The following EXOC4 variants were observed in gnomAD, a reference collection of about 807,000 sequenced individuals.
The protein encoded by EXOC4 is exocyst complex component 4, also known as SEC8-like 1.
EXOC4 carries 71 observed loss-of-function variants against 107.2 expected under a neutral mutation model. That is an observed-to-expected ratio of 0.66 (90% CI 0.55 to 0.81). The LOEUF is 0.81. Ranked by LOEUF, EXOC4 falls within the 30% of genes least tolerant of loss-of-function variation. EXOC4 has a pLI of 0.00. For synonymous variants in EXOC4, 456 were observed against 441.2 expected, an observed-to-expected ratio of 1.03 and a Z score of -0.42; for missense variants, 1,108 against 1,189.6, an observed-to-expected ratio of 0.93 and a Z score of 1.01.
intron 11 of EXOC4, among the ~76,000 whole-genome samples, chr7:133,865,699 C>T (rs1308122172): frequency 1.3e-5 from 2 of 152,162 alleles, no homozygotes; most frequent in East Asian, 1.9e-4. Context: ...GAAGCAGGCA[C>T]ATCTTACCAT....
intron 2 of EXOC4, among the ~76,000 whole-genome samples, chr7:133,285,019 T>G (rs1794242981): frequency 6.6e-6 from 1 of 152,178 alleles, no homozygotes. Flanking sequence ...TTATTTTGAA[T>G]GTTATATATT....
At chr7:133,618,551 A>G (rs961466569) in intron 9 of EXOC4, among the ~76,000 whole-genome samples, 1 of 152,202 alleles carries the variant, frequency 6.6e-6, no homozygotes, top group Non-Finnish European at 1.5e-5. Context: ...AGCAAATAAG[A>G]TTGGAAAAAT....
intron 14 of EXOC4, among the ~76,000 whole-genome samples, chr7:133,940,557 A>G (rs770874826): frequency 2.6e-5 from 4 of 152,190 alleles, no homozygotes; most frequent in Non-Finnish European, 5.9e-5. Flanking sequence ...TGTAATCACT[A>G]CTTATGGTGT....
At chr7:133,273,118 T>C (rs1021767763) in intron 1 of EXOC4, among the ~76,000 whole-genome samples, 1 of 152,196 alleles carries the variant, frequency 6.6e-6, no homozygotes, top group South Asian at 2.1e-4. Flanking sequence ...AGTTGATAAA[T>C]TGAAGGCATT....
chr7:133,934,098 CTG>C (rs753128363), intron 13 of EXOC4, among the ~76,000 whole-genome samples: 75 of 152,232 alleles, frequency 4.9e-4, no homozygotes, highest in Middle Eastern at 3.4e-3. Flanking sequence ...AAACATTTTT[CTG>C]TGTTACCAAG....
At chr7:133,614,132 G>A (rs1802134792) in intron 9 of EXOC4, among the ~76,000 whole-genome samples, 1 of 151,780 alleles carries the variant, frequency 6.6e-6, no homozygotes, top group African/African-American at 2.4e-5. Context: ...TAATGCAGAT[G>A]AAAGTGCCCT....
intron 7 of EXOC4, 50 bp downstream of exon 7, chr7:133,375,052 G>C (rs981479705): frequency 4.0e-6 from 6 of 1,494,824 alleles, no homozygotes; most frequent in Non-Finnish European, 4.6e-6. Flanking sequence ...TAACAGTTTA[G>C]AATAACAACA....
intron 17 of EXOC4, among the ~76,000 whole-genome samples, chr7:134,028,669 A>G (rs1030050133): frequency 6.6e-6 from 1 of 152,168 alleles, no homozygotes; most frequent in Admixed American, 6.5e-5. Context: ...TTAAGTGCCA[A>G]CTAGTCTTCT....
intron 12 of EXOC4, among the ~76,000 whole-genome samples, chr7:133,901,174 T>G (rs1336087046): frequency 6.6e-6 from 1 of 152,248 alleles, no homozygotes; most frequent in East Asian, 1.9e-4. Context: ...CTGGCCAAAT[T>G]TAATGTTATT....
intron 10 of EXOC4, among the ~76,000 whole-genome samples, chr7:133,804,999 T>C (rs2151199987): frequency 6.6e-6 from 1 of 152,320 alleles, no homozygotes; most frequent in South Asian, 2.1e-4. Flanking sequence ...AACTTAATAT[T>C]ATTTATTAAA....
chr7:134,063,343 T>G (rs1440950657), intron 17 of EXOC4, among the ~76,000 whole-genome samples: 1 of 152,198 alleles, frequency 6.6e-6, no homozygotes, highest in East Asian at 1.9e-4. Flanking sequence ...CCTCTGCTAT[T>G]AACGCACGGT....
chr7:134,091,441 G>A, the EXOC4 span, among the ~76,000 whole-genome samples: 1 of 152,134 alleles, frequency 6.6e-6, no homozygotes, highest in African/African-American at 2.4e-5. Context: ...GTTTTGGTAG[G>A]TTTTAGTCGG....
chr7:133,824,360 T>C lies in EXOC4; in HGVS notation c.1734+6816T>C, dbSNP rs568154302. Among the ~76,000 whole-genome samples the C allele has an allele frequency of 3.1e-4, 45 of 147,066 alleles. 1 individual carries two copies. Among genetic ancestry groups the C allele is most frequent in the African/African-American group, 1.1e-3 (45 of 41,200 alleles). On this transcript the variant is annotated intron_variant, in intron 11 of 17. Coordinates refer to ENST00000253861, the MANE Select transcript of EXOC4 (RefSeq NM_021807.4). ...CTGCCCACATTTTCAACCTGCGTCT[T>C]CTTCTCATCACCAGCTTGCTGTTTA... is the stretch of plus-strand genomic sequence containing the variant.
intron 3 of EXOC4, among the ~76,000 whole-genome samples, chr7:133,296,302 T>C (rs1431831984): frequency 1.3e-5 from 2 of 151,720 alleles, no homozygotes; most frequent in Non-Finnish European, 3.0e-5. Flanking sequence ...TCTCATATTA[T>C]GTTAAGTACT....
At chr7:133,658,879 T>C (rs898849650) in intron 10 of EXOC4, among the ~76,000 whole-genome samples, 2 of 152,116 alleles carry the variant, frequency 1.3e-5, no homozygotes, top group Non-Finnish European at 2.9e-5. Context: ...GGCTGCATGT[T>C]GATATTGTTG....
chr7:133,322,678 T>C (rs1795141968), intron 5 of EXOC4, among the ~76,000 whole-genome samples: 1 of 152,224 alleles, frequency 6.6e-6, no homozygotes, highest in Admixed American at 6.5e-5. Context: ...TTCTGTTTGC[T>C]TAGGATTATC....
At chr7:134,090,981 C>T in the EXOC4 span, among the ~76,000 whole-genome samples, 1 of 151,764 alleles carries the variant, frequency 6.6e-6, no homozygotes, top group Admixed American at 6.6e-5. Flanking sequence ...TATATGCACC[C>T]CACTTACCCA....
intron 10 of EXOC4, among the ~76,000 whole-genome samples, chr7:133,779,725 C>G (rs545549524): frequency 6.6e-6 from 1 of 152,262 alleles, no homozygotes; most frequent in Admixed American, 6.5e-5. Context: ...CTGTAGCTAG[C>G]TAGAGATTTG....
chr7:133,386,569 T>C (rs1796732072), intron 7 of EXOC4, among the ~76,000 whole-genome samples: 1 of 152,188 alleles, frequency 6.6e-6, no homozygotes, highest in Non-Finnish European at 1.5e-5. Flanking sequence ...CTGCTTATAC[T>C]CTTGTTCAGG....
Sources: allele counts gnomAD v4.1 joint callset (sites outside exome capture counted in the v4.1 genomes callset), GRCh38; gene constraint gnomAD v4.1.1; transcripts MANE v1.5; gene names NCBI Gene and HGNC (gene_info 2026-07-23, HGNC 2026-07-21).